The following MZT2B variants were observed in gnomAD, a reference collection of about 807,000 sequenced individuals.
MZT2B encodes the protein mitotic-spindle organizing protein 2B.
In MZT2B, 11 loss-of-function variants were observed where a neutral mutation model predicts 12.1. That is an observed-to-expected ratio of 0.91 (90% CI 0.57 to 1.50). The LOEUF is 1.50. Among genes scored for constraint, MZT2B ranks in the 40% most tolerant of loss-of-function variants. The probability of loss-of-function intolerance (pLI) is 0.00; values close to 1 mark genes in which losing one functional copy is unlikely to be tolerated. For missense variants in MZT2B, 209 were observed against 227.7 expected (o/e 0.92, Z 0.53); for synonymous variants, 85 against 109.5 (o/e 0.78, Z 1.40).
At chr2:130,193,841 G>A (rs1209995737), downstream of MZT2B, 1 of 1,614,108 alleles carries the variant, frequency 6.2e-7, no homozygotes, top group Non-Finnish European at 8.5e-7. Flanking sequence ...GGTCTTGATG[G>A]TGGCGATGGC....
chr2:130,181,995 A>C (rs1423865040), upstream of MZT2B: 4 of 1,377,796 alleles, frequency 2.9e-6, no homozygotes, highest in African/African-American at 1.5e-5. Flanking sequence ...CTGCCACCTA[A>C]GCGAGCACGA....
Position 130,182,503 on chromosome 2 carries a change from T to C in MZT2B, c.170+51T>C, listed in dbSNP as rs756329572. On this transcript the variant is annotated intron_variant, in intron 1 of 2. Transcript: ENST00000281871. ...TGCTAGCCAGACACCCCCCGACCTCTGCTTTCCGGGTACGCCCGGCCCGCT... is the reference window on the plus strand; with the variant it reads ...TGCTAGCCAGACACCCCCCGACCTCCGCTTTCCGGGTACGCCCGGCCCGCT... 2.6e-6 allele frequency: 4 copies of C among 1,541,560 alleles called. No homozygotes were observed. The South Asian group carries it at 4.8e-5, about 19-fold the overall frequency.
the MZT2B span, among the ~76,000 whole-genome samples, chr2:130,199,574 C>G: frequency 1.7e-5 from 2 of 120,990 alleles, 1 homozygote; most frequent in African/African-American, 5.9e-5. Flanking sequence ...TTTATTTGGG[C>G]CAAGTTTGAG....
At chr2:130,194,785 C>A (rs1573771086), downstream of MZT2B, among the ~76,000 whole-genome samples, 1 of 152,156 alleles carries the variant, frequency 6.6e-6, no homozygotes, top group Non-Finnish European at 1.5e-5. Flanking sequence ...TCAAGCAATT[C>A]TTCTGCCTCA....
chr2:130,182,743 C>G lies in MZT2B; in HGVS notation c.287C>G (p.Ser96Cys), dbSNP rs1478861374. 3.9e-6 allele frequency: 6 copies of G among 1,524,350 alleles called. No homozygotes were observed. The highest frequency in any genetic ancestry group is 5.3e-6 in the Non-Finnish European group (6 of 1,131,928). 94.4% of individuals were successfully genotyped at this position (1,524,350 alleles called of 1,614,324 possible). ...GAGCCCCAGGACCCTGCGGCCGTGT[C>G]TCTGCCCACGTCGAGCGTGCCCGAG... ...ASEPQDPAAV[S>C]LPTSSVPETR... is the part of the protein sequence containing the mutation. Residue 96 changes from serine (S) to cysteine (C), a missense_variant, in exon 2 of 3, where the codon TCT (serine) becomes TGT (cysteine). Transcript: ENST00000281871.
At chr2:130,190,949 A>C (rs1453220342), downstream of MZT2B, among the ~76,000 whole-genome samples, 2 of 151,062 alleles carry the variant, frequency 1.3e-5, no homozygotes, top group Non-Finnish European at 2.9e-5. Flanking sequence ...GAAATGTGGG[A>C]GGTTTTTTTG....
At chr2:130,185,294 G>A (rs1324844855) in intron 2 of MZT2B, among the ~76,000 whole-genome samples, 3 of 144,606 alleles carry the variant, frequency 2.1e-5, no homozygotes, top group African/African-American at 7.8e-5. Flanking sequence ...CTGGGGGACA[G>A]AGCGAGACTC....
At chr2:130,198,128 G>T in the MZT2B span, among the ~76,000 whole-genome samples, 2 of 122,724 alleles carry the variant, frequency 1.6e-5, no homozygotes, top group Non-Finnish European at 3.6e-5. Flanking sequence ...TACCGTCAAT[G>T]GTCCCCGTCC....
downstream of MZT2B, among the ~76,000 whole-genome samples, chr2:130,191,477 A>G (rs1690257120): frequency 6.6e-6 from 1 of 152,230 alleles, no homozygotes; most frequent in Non-Finnish European, 1.5e-5. Context: ...TGACCCATCA[A>G]TAAAGAAGCC....
At position 130,182,772 on chromosome 2, in the gene MZT2B, C is replaced by G; in HGVS notation, c.316C>G (p.Arg106Gly). The G allele has an allele frequency of 4.7e-6, 7 of 1,495,502 alleles. No homozygotes were observed. Among genetic ancestry groups the G allele is most frequent in the South Asian group, 1.3e-5 (1 of 76,564 alleles). The allele number at this position is 1,495,502 out of a possible 1,614,324, so 92.6% of individuals were successfully genotyped here. The change falls in exon 2 of 3, where the codon CGA becomes GGA. Residue 106 changes from arginine (R) to glycine (G), a missense_variant. By Grantham distance (125) the Arg-to-Gly change is moderately radical. Transcript: ENST00000281871. ...SLPTSSVPET[R>G]GRNKGSAALG... ...GCCCACGTCGAGCGTGCCCGAGACC[C>G]GAGGTCAGAGCTGGGCCCGCTGTCC...
At chr2:130,183,437 G>T (rs1689888144) in intron 2 of MZT2B, 2 of 413,454 alleles carry the variant, frequency 4.8e-6, no homozygotes, top group Non-Finnish European at 9.1e-6. Context: ...TCCCTCTCCA[G>T]TGTGGTGACT....
chr2:130,187,458 G>A (rs982056950), intron 2 of MZT2B, among the ~76,000 whole-genome samples: 2 of 152,146 alleles, frequency 1.3e-5, no homozygotes, highest in African/African-American at 4.8e-5. Context: ...CAAAGTAGTG[G>A]AATTACAGGC....
chr2:130,186,800 G>T (rs544124800), intron 2 of MZT2B, among the ~76,000 whole-genome samples: 1 of 152,194 alleles, frequency 6.6e-6, no homozygotes, highest in East Asian at 1.9e-4. Flanking sequence ...CAGCTACTTG[G>T]GAGGCTGAGG....
the MZT2B span, among the ~76,000 whole-genome samples, chr2:130,201,132 C>T: frequency 6.6e-6 from 1 of 152,220 alleles, no homozygotes. Flanking sequence ...TTTCTGTGGC[C>T]TTTGGGGACC....
chr2:130,191,551 C>T (rs555247239), downstream of MZT2B, among the ~76,000 whole-genome samples: 1 of 152,300 alleles, frequency 6.6e-6, no homozygotes, highest in Middle Eastern at 3.4e-3. Flanking sequence ...GAAATCTATA[C>T]ATTGAACGCC....
downstream of MZT2B, among the ~76,000 whole-genome samples, chr2:130,190,967 T>G (rs1347917749): frequency 1.3e-5 from 2 of 152,090 alleles, no homozygotes; most frequent in Non-Finnish European, 2.9e-5. Flanking sequence ...TTGGTTTTTT[T>G]GAAATGGAGT....
chr2:130,185,767 G>A (rs1690037504), intron 2 of MZT2B, among the ~76,000 whole-genome samples: 1 of 148,364 alleles, frequency 6.7e-6, no homozygotes, highest in Non-Finnish European at 1.5e-5. Context: ...GGAGGATTAG[G>A]GGGTGCTGTG....
intron 2 of MZT2B, chr2:130,184,886 C>T: frequency 1.3e-5 from 13 of 985,238 alleles, no homozygotes; most frequent in Non-Finnish European, 1.6e-5. Flanking sequence ...ACCAGCGAGA[C>T]CAGTGTGGTG....
chr2:130,195,799 G>C, the MZT2B span, among the ~76,000 whole-genome samples: 782 of 152,318 alleles, frequency 5.1e-3, 8 homozygotes, highest in Middle Eastern at 0.034. Context: ...CAAGACTCTC[G>C]TGCACCAGCA....
Sources: gnomAD v4.1 joint callset for allele counts (sites outside exome capture counted in the v4.1 genomes callset) on GRCh38, gnomAD v4.1.1 for gene constraint, MANE v1.5 for transcripts, NCBI Gene and HGNC (gene_info 2026-07-23, HGNC 2026-07-21) for gene names.